Variants in UBE2QL1 observed in about 807,000 individuals in gnomAD.
UBE2QL1 encodes the protein ubiquitin-conjugating enzyme E2Q-like protein 1.
Under a neutral mutation model 12.6 loss-of-function variants are expected in UBE2QL1, and 5 were observed. The ratio of observed to expected loss-of-function variants is 0.40; its 90% confidence interval spans 0.21 to 0.83. The LOEUF (loss-of-function observed/expected upper bound fraction) is 0.83, where lower values mean the gene tolerates loss of function less well. Among genes scored for constraint, UBE2QL1 ranks in the 40% least tolerant of loss-of-function variants. The probability of loss-of-function intolerance (pLI) is 0.37; values close to 1 mark genes in which losing one functional copy is unlikely to be tolerated. For synonymous variants in UBE2QL1, 96 were observed against 94.5 expected, an observed-to-expected ratio of 1.02 and a Z score of -0.10; for missense variants, 99 against 222.6, an observed-to-expected ratio of 0.44 and a Z score of 3.53.
At chr5:6,450,677 C>A (rs531294302) in intron 1 of UBE2QL1, among the ~76,000 whole-genome samples, 1 of 152,150 alleles carries the variant, frequency 6.6e-6, no homozygotes, top group Non-Finnish European at 1.5e-5. Flanking sequence ...AAAGCTGGAA[C>A]CCCTGGGATT....
intron 1 of UBE2QL1, among the ~76,000 whole-genome samples, chr5:6,453,780 G>A (rs1472093393): frequency 1.3e-5 from 2 of 152,070 alleles, no homozygotes; most frequent in Non-Finnish European, 2.9e-5. Flanking sequence ...CCTAGAAATA[G>A]CACTTTACTT....
rs966328607 is a variant in UBE2QL1 at position 6,495,385 on chromosome 5, G to A, written c.*4036G>A. ...TTACTTCCTGACTGTAGTGAGGGTA[G>A]AGCCACTGAATCTGGAAGACCACTT... On this transcript the variant is annotated 3_prime_UTR_variant, in exon 2 of 2. Transcript: ENST00000399816. 2.0e-5 allele frequency among the ~76,000 whole-genome samples: 3 copies of A among 152,192 alleles called. No individual in the cohort carries two copies. The highest frequency in any genetic ancestry group is 2.9e-5 in the Non-Finnish European group (2 of 68,032).
At position 6,478,360 on chromosome 5, in the gene UBE2QL1, G is replaced by A. The variant is rs1049118519; in HGVS notation, c.355-12858G>A. 2.6e-5 allele frequency among the ~76,000 whole-genome samples: 4 copies of A among 152,228 alleles called. No homozygotes were observed. Among genetic ancestry groups the A allele is most frequent in the African/African-American group, 9.6e-5 (4 of 41,460 alleles). On this transcript the variant is annotated intron_variant, in intron 1 of 1. Transcript: ENST00000399816. This position sits in a 1 kb window ranked among gnomAD's most constrained non-coding sequence, Gnocchi z 4.5. ...TGGAAAGAGACCACAGCCGTGAACTGCCACCATCAAGCGCAAAGCCTCCCT... is the reference window on the plus strand; with the variant it reads ...TGGAAAGAGACCACAGCCGTGAACTACCACCATCAAGCGCAAAGCCTCCCT...
chr5:6,473,261 GA>G (rs1374029818), intron 1 of UBE2QL1, among the ~76,000 whole-genome samples: 1 of 151,948 alleles, frequency 6.6e-6, no homozygotes, highest in Non-Finnish European at 1.5e-5. Context: ...TCTGATCAGT[GA>G]ACTCTCATTT....
intron 1 of UBE2QL1, among the ~76,000 whole-genome samples, chr5:6,474,662 T>C (rs938979412): frequency 6.6e-6 from 1 of 152,254 alleles, no homozygotes; most frequent in Non-Finnish European, 1.5e-5. Context: ...AACTGTGGCA[T>C]GCGGGGGCCT....
rs1734577775 is a variant in UBE2QL1, at chr5:6,491,804, C to G, written c.*455C>G. ...GTCCCCGGCACGTGTTTGCTGTGCT[C>G]TGTATCTCTGTTTTTCTTCCTGGAA... On this transcript the variant is annotated 3_prime_UTR_variant, in exon 2 of 2. Coordinates refer to ENST00000399816, the MANE Select transcript of UBE2QL1 (RefSeq NM_001145161.3). 6.5e-6 allele frequency: 1 copy of G among 153,836 alleles called. No homozygotes were observed. The highest frequency in any genetic ancestry group is 1.9e-4 in the East Asian group (1 of 5,232). 9.5% of individuals were successfully genotyped at this position (153,836 alleles called of 1,614,324 possible).
At chr5:6,477,812 G>T (rs976470995) in intron 1 of UBE2QL1, among the ~76,000 whole-genome samples, 1 of 152,200 alleles carries the variant, frequency 6.6e-6, no homozygotes, top group African/African-American at 2.4e-5. Context: ...GAAACAAATT[G>T]CATATGCAAG....
At chr5:6,453,318 TGGCAGTCG>T (rs1274753815) in intron 1 of UBE2QL1, among the ~76,000 whole-genome samples, 1 of 152,172 alleles carries the variant, frequency 6.6e-6, no homozygotes, top group Non-Finnish European at 1.5e-5. Flanking sequence ...CTGTTGGAAA[TGGCAGTCG>T]GGCCAGGTGC....
chr5:6,480,498 G>A (rs76434673), intron 1 of UBE2QL1, among the ~76,000 whole-genome samples: 1,760 of 152,270 alleles, frequency 0.012, 35 homozygotes, highest in African/African-American at 0.039. Context: ...ACTGGGATCC[G>A]GCTGCCTATG....
chr5:6,475,238 G>T (rs1560933747), intron 1 of UBE2QL1, among the ~76,000 whole-genome samples: 1 of 152,164 alleles, frequency 6.6e-6, no homozygotes, highest in African/African-American at 2.4e-5. Context: ...GTTGCTTATA[G>T]AAAATCTCTT....
Position 6,449,114 on chromosome 5 carries a change from C to G in UBE2QL1, c.221C>G (p.Pro74Arg). 1 of 1,547,346 alleles carries G rather than the reference C, an allele frequency of 6.5e-7. No homozygotes were observed. Reference sequence around the variant, plus strand: ...CCGCCCTTCATGCGGGTGCTCAGCCCGCGCCTGGAGAACGGCTACGTGCTG... The same window carrying G: ...CCGCCCTTCATGCGGGTGCTCAGCCGGCGCCTGGAGAACGGCTACGTGCTG... Reference protein sequence around the residue: ...FSPPFMRVLSPRLENGYVLDG... With the variant: ...FSPPFMRVLSRRLENGYVLDG... Residue 74 changes from proline (P) to arginine (R), a missense_variant, in exon 1 of 2, where the codon CCG becomes CGG. Transcript: ENST00000399816.
chr5:6,475,680 C>T (rs942990393), intron 1 of UBE2QL1, among the ~76,000 whole-genome samples: 1 of 27,814 alleles, frequency 3.6e-5, no homozygotes, highest in African/African-American at 1.6e-4. Flanking sequence ...AGGCAGGGCC[C>T]GGGGGAAGTG....
chr5:6,459,200 A>G (rs937594232), intron 1 of UBE2QL1, among the ~76,000 whole-genome samples: 3 of 152,166 alleles, frequency 2.0e-5, no homozygotes, highest in Non-Finnish European at 2.9e-5. Context: ...TCATTATCTT[A>G]GAGAACTCAT....
chr5:6,480,079 G>GTGTT (rs376342403), intron 1 of UBE2QL1, among the ~76,000 whole-genome samples: 3 of 152,164 alleles, frequency 2.0e-5, no homozygotes, highest in African/African-American at 4.8e-5. Context: ...TTTTTCGTTT[G>GTGTT]TGTTTGTTTG....
chr5:6,490,400 G>A (rs778980638), intron 1 of UBE2QL1, among the ~76,000 whole-genome samples: 10 of 152,188 alleles, frequency 6.6e-5, no homozygotes, highest in African/African-American at 1.9e-4. Flanking sequence ...GTCTTGTGCC[G>A]TCATAAGATG....
At chr5:6,486,391 C>A (rs1201231410) in intron 1 of UBE2QL1, among the ~76,000 whole-genome samples, 1 of 152,040 alleles carries the variant, frequency 6.6e-6, no homozygotes, top group Non-Finnish European at 1.5e-5. Flanking sequence ...CTCCCCCAAG[C>A]ATAGTGAGCC....
chr5:6,480,105 GGTCA>G, intron 1 of UBE2QL1, among the ~76,000 whole-genome samples: 1 of 152,328 alleles, frequency 6.6e-6, no homozygotes, highest in South Asian at 2.1e-4. Flanking sequence ...TTGAGTGAAT[GGTCA>G]GTATCTTGTT....
At chr5:6,464,006 C>T (rs930281565) in intron 1 of UBE2QL1, among the ~76,000 whole-genome samples, 1 of 142,366 alleles carries the variant, frequency 7.0e-6, no homozygotes, top group Non-Finnish European at 1.5e-5. Flanking sequence ...GAGTTTCACT[C>T]TTTTTGCCCA....
chr5:6,468,395 G>C (rs1242103911), intron 1 of UBE2QL1, among the ~76,000 whole-genome samples: 1 of 152,210 alleles, frequency 6.6e-6, no homozygotes, highest in Non-Finnish European at 1.5e-5. Context: ...CAGAGAAAGA[G>C]GGCAACCGGC....
Sources: allele counts gnomAD v4.1 joint callset (sites outside exome capture counted in the v4.1 genomes callset), GRCh38; gene constraint gnomAD v4.1.1; non-coding constraint Gnocchi (gnomAD v3.1); transcripts MANE v1.5; gene names NCBI Gene and HGNC (gene_info 2026-07-23, HGNC 2026-07-21).